ABCB5: variants seen among roughly 807,000 people sequenced by gnomAD.
The protein encoded by ABCB5 is ATP binding cassette subfamily B member 5.
ABCB5 carries 155 observed loss-of-function variants against 144.2 expected under a neutral mutation model. The observed-to-expected ratio is 1.08, with a 90% CI of 0.94 to 1.23. The LOEUF is 1.23. Among genes scored for constraint, ABCB5 ranks in the 50% most tolerant of loss-of-function variants. The pLI, the probability that ABCB5 is intolerant of heterozygous loss-of-function variation, is 0.00. For synonymous variants in ABCB5, 610 were observed against 528.6 expected (o/e 1.15, Z -2.11); for missense variants, 1,830 against 1,520.8 (o/e 1.20, Z -3.38).
At chr7:20,700,467 G>A (rs899594247) in intron 19 of ABCB5, among the ~76,000 whole-genome samples, 2 of 152,198 alleles carry the variant, frequency 1.3e-5, no homozygotes, top group Non-Finnish European at 2.9e-5. Flanking sequence ...AGAAGTAAGA[G>A]CTACCATATC....
At position 20,704,077 on chromosome 7, in the gene ABCB5, T is replaced by TTTTTTTTTTTTTC. The variant is rs1447081529; in HGVS notation, c.2338-635_2338-634insCTTTTTTTTTTTT. Among the ~76,000 whole-genome samples, 15 of 112,632 alleles carry TTTTTTTTTTTTTC rather than the reference T, an allele frequency of 1.3e-4. 2 individuals carry two copies. The highest frequency in any genetic ancestry group is 2.4e-4 in the Non-Finnish European group (13 of 53,390). 73.9% of individuals were successfully genotyped at this position (112,632 alleles called of 152,430 possible). On this transcript the variant is annotated intron_variant, in intron 19 of 27. Transcript: ENST00000404938. Reference sequence around the variant, plus strand: ...AAATTGTGTTGTTTATTGCCTTCCTTTTTTTTTTTTTTTTGTGAGACAGGG... The same window carrying TTTTTTTTTTTTTC: ...AAATTGTGTTGTTTATTGCCTTCCTTTTTTTTTTTTTTCTTTTTTTTTTTTTTGTGAGACAGGG...
chr7:20,620,441 A>G (rs1783784182), intron 1 of ABCB5, among the ~76,000 whole-genome samples: 1 of 152,178 alleles, frequency 6.6e-6, no homozygotes, highest in Non-Finnish European at 1.5e-5. Flanking sequence ...ATTAAAGGAA[A>G]CTACCCAGAG....
chr7:20,691,226 T>C (rs978926773), intron 16 of ABCB5, among the ~76,000 whole-genome samples: 3 of 123,028 alleles, frequency 2.4e-5, no homozygotes, highest in South Asian at 2.9e-4. Flanking sequence ...CTCTTGTTGC[T>C]CAGGCTAGAG....
At chr7:20,683,069 GATA>G (rs1387983394) in intron 15 of ABCB5, among the ~76,000 whole-genome samples, 2 of 149,214 alleles carry the variant, frequency 1.3e-5, no homozygotes, top group Non-Finnish European at 2.9e-5. Context: ...TCAGCTTTCT[GATA>G]ATATCTTTGA....
intron 14 of ABCB5, among the ~76,000 whole-genome samples, chr7:20,661,981 T>C (rs1785018410): frequency 6.6e-6 from 1 of 152,218 alleles, no homozygotes; most frequent in Non-Finnish European, 1.5e-5. Flanking sequence ...TGTTTTGACC[T>C]GGTGTGCCAA....
intron 14 of ABCB5, among the ~76,000 whole-genome samples, chr7:20,663,288 T>C (rs1042556389): frequency 2.6e-5 from 4 of 152,198 alleles, no homozygotes; most frequent in African/African-American, 4.8e-5. Flanking sequence ...GAGATATTGG[T>C]ATACTAGTGT....
At chr7:20,750,803 G>A (rs1782900627) in intron 26 of ABCB5, among the ~76,000 whole-genome samples, 1 of 152,142 alleles carries the variant, frequency 6.6e-6, no homozygotes. Flanking sequence ...CATGCTGAGT[G>A]TAATGTAATG....
At chr7:20,622,731 A>T (rs1264466073) in intron 1 of ABCB5, among the ~76,000 whole-genome samples, 1 of 152,120 alleles carries the variant, frequency 6.6e-6, no homozygotes, top group African/African-American at 2.4e-5. Context: ...TGCTTAATAC[A>T]ATTTTAATGA....
chr7:20,710,651 T>C (rs2128046012), intron 20 of ABCB5, among the ~76,000 whole-genome samples: 1 of 149,970 alleles, frequency 6.7e-6, no homozygotes, highest in South Asian at 2.2e-4. Context: ...AAGAAATCCA[T>C]GTGAACTATG....
At position 20,640,345 on chromosome 7, in the gene ABCB5, T is replaced by G. The variant is rs1207360709; in HGVS notation, c.315-2839T>G. The stretch of plus-strand genomic sequence containing the variant: ...CAACCAAATAATACACAACCTCACT[T>G]TATGTGTGCTTTTTTTTAAAGACAC... On this transcript the variant is annotated intron_variant, in intron 5 of 27. Coordinates refer to ENST00000404938, the MANE Select transcript of ABCB5 (RefSeq NM_001163941.2). Among the ~76,000 whole-genome samples the G allele has an allele frequency of 3.3e-5, 5 of 152,170 alleles. No homozygotes were observed. In the East Asian group the frequency reaches 9.6e-4, roughly 29 times the overall value.
intron 16 of ABCB5, among the ~76,000 whole-genome samples, chr7:20,690,745 C>G (rs920265500): frequency 6.6e-6 from 1 of 152,078 alleles, no homozygotes; most frequent in African/African-American, 2.4e-5. Context: ...AGTCAGGACC[C>G]TGCACCATTT....
intron 15 of ABCB5, 60 bp downstream of exon 15, chr7:20,681,726 A>G: frequency 6.5e-7 from 1 of 1,531,978 alleles, no homozygotes; most frequent in Non-Finnish European, 8.8e-7. Flanking sequence ...AGATCATACC[A>G]CACTAGAAAA....
At chr7:20,745,899 G>A (rs1005088500) in intron 26 of ABCB5, among the ~76,000 whole-genome samples, 1 of 152,298 alleles carries the variant, frequency 6.6e-6, no homozygotes, top group East Asian at 1.9e-4. Flanking sequence ...ACACCCCATG[G>A]GGAGGGGCTG....
chr7:20,631,182 A>G (rs936291810), intron 4 of ABCB5, among the ~76,000 whole-genome samples: 2 of 152,160 alleles, frequency 1.3e-5, no homozygotes, highest in Non-Finnish European at 2.9e-5. Context: ...TGCCATTTTT[A>G]TAAGACTGCA....
chr7:20,622,330 G>T (rs1783819463), intron 1 of ABCB5, among the ~76,000 whole-genome samples: 1 of 152,124 alleles, frequency 6.6e-6, no homozygotes, highest in African/African-American at 2.4e-5. Context: ...TTTAGCAGTT[G>T]TAAATATCTC....
chr7:20,707,471 A>C (rs1786858266), intron 20 of ABCB5, among the ~76,000 whole-genome samples: 1 of 152,224 alleles, frequency 6.6e-6, no homozygotes, highest in African/African-American at 2.4e-5. Flanking sequence ...ATGTGCTTTA[A>C]TTAAAGCTAA....
intron 14 of ABCB5, among the ~76,000 whole-genome samples, chr7:20,667,871 G>A (rs28449239): frequency 0.58 from 80,577 of 139,114 alleles, 24,262 homozygotes; most frequent in East Asian, 0.75. Context: ...GCAGGCGCAC[G>A]CCGCCACGCC....
chr7:20,701,593 T>C (rs1786629537), intron 19 of ABCB5, among the ~76,000 whole-genome samples: 1 of 152,214 alleles, frequency 6.6e-6, no homozygotes, highest in African/African-American at 2.4e-5. Context: ...TGGTTAATAC[T>C]GGACATTAAT....
chr7:20,617,337 G>C (rs1307155429), intron 1 of ABCB5, among the ~76,000 whole-genome samples: 1 of 152,132 alleles, frequency 6.6e-6, no homozygotes, highest in Non-Finnish European at 1.5e-5. Flanking sequence ...GTGGGGCAAG[G>C]CCTAGGTAGG....
Sources: gnomAD v4.1 joint callset for allele counts (sites outside exome capture counted in the v4.1 genomes callset) on GRCh38, gnomAD v4.1.1 for gene constraint, MANE v1.5 for transcripts, NCBI Gene and HGNC (gene_info 2026-07-23, HGNC 2026-07-21) for gene names.